SLC9A9: variants seen among roughly 807,000 people sequenced by gnomAD.
SLC9A9 encodes the protein solute carrier family 9 member A9.
In SLC9A9, 62 loss-of-function variants were observed where a neutral mutation model predicts 77.8. The observed-to-expected ratio is 0.80, with a 90% CI of 0.65 to 0.98. The LOEUF is 0.98. SLC9A9 is among the 50% of genes least tolerant of loss of function. The probability of loss-of-function intolerance (pLI) is 0.00; values close to 1 mark genes in which losing one functional copy is unlikely to be tolerated. For missense variants in SLC9A9, 775 were observed against 774.9 expected (o/e 1.00, Z 0.00); for synonymous variants, 320 against 283.5 (o/e 1.13, Z -1.29).
chr3:143,447,245 C>T (rs977239391), intron 12 of SLC9A9, among the ~76,000 whole-genome samples: 4 of 152,244 alleles, frequency 2.6e-5, no homozygotes, highest in African/African-American at 7.2e-5. Context: ...CCTTGGTGCC[C>T]TACTGGGTTA....
chr3:143,374,379 C>T (rs551290165), intron 13 of SLC9A9, among the ~76,000 whole-genome samples: 56 of 135,050 alleles, frequency 4.1e-4, no homozygotes, highest in African/African-American at 1.6e-3. Flanking sequence ...GAGCCAAGAT[C>T]GCACCACTGT....
At chr3:143,753,412 A>G (rs901947350) in intron 4 of SLC9A9, among the ~76,000 whole-genome samples, 1 of 152,236 alleles carries the variant, frequency 6.6e-6, no homozygotes, top group African/African-American at 2.4e-5. Flanking sequence ...CAAGGCATAC[A>G]GAGCTCCAGT....
rs1933319129 is a variant in SLC9A9 at position 143,687,765 on chromosome 3, A to AT, written c.649+5426dup. Among the ~76,000 whole-genome samples, 12 of 152,242 alleles carry AT rather than the reference A, an allele frequency of 7.9e-5. 1 individual carries two copies. In the South Asian group the frequency reaches 2.5e-3, roughly 32 times the overall value. ...TTAAAAAAAAAAGAAGTTGGAAGCA[A>AT]TGAGAAATGCTATCTTCTACTTCCA... On this transcript the variant is annotated intron_variant, in intron 5 of 15. Transcript: ENST00000316549.
intron 6 of SLC9A9, among the ~76,000 whole-genome samples, chr3:143,586,641 A>C (rs1292561593): frequency 2.0e-5 from 3 of 152,228 alleles, no homozygotes; most frequent in African/African-American, 7.2e-5. Context: ...TTGCTTAATT[A>C]TGAATAAGGA....
intron 14 of SLC9A9, among the ~76,000 whole-genome samples, chr3:143,302,217 GGA>G (rs1178775706): frequency 1.3e-5 from 2 of 152,200 alleles, no homozygotes; most frequent in African/African-American, 4.8e-5. Flanking sequence ...GGGGGATGCT[GGA>G]GGCATCAGCC....
At chr3:143,577,707 C>T (rs1242775259) in intron 7 of SLC9A9, among the ~76,000 whole-genome samples, 4 of 152,186 alleles carry the variant, frequency 2.6e-5, no homozygotes, top group Non-Finnish European at 5.9e-5. Flanking sequence ...CAGTGAATGT[C>T]TGGGCAAGAC....
intron 12 of SLC9A9, among the ~76,000 whole-genome samples, chr3:143,462,808 G>T (rs73146708): frequency 0.028 from 4,311 of 152,248 alleles, 91 homozygotes; most frequent in Non-Finnish European, 0.044. Flanking sequence ...AGGGTAGATT[G>T]CAGGCATTGA....
intron 12 of SLC9A9, among the ~76,000 whole-genome samples, chr3:143,393,045 A>T (rs1026598519): frequency 6.6e-6 from 1 of 152,194 alleles, no homozygotes; most frequent in Middle Eastern, 3.2e-3. Context: ...ATGAGACAGA[A>T]AGTTAACAAG....
intron 11 of SLC9A9, among the ~76,000 whole-genome samples, chr3:143,483,983 A>T (rs2035614685): frequency 6.6e-6 from 1 of 152,160 alleles, no homozygotes; most frequent in South Asian, 2.1e-4. Context: ...ATGAATGACT[A>T]TCTGGATGAC....
At chr3:143,844,294 A>G (rs1036375787) in intron 1 of SLC9A9, among the ~76,000 whole-genome samples, 1 of 152,124 alleles carries the variant, frequency 6.6e-6, no homozygotes, top group African/African-American at 2.4e-5. Context: ...TTGTTTTCTA[A>G]GCCCCTGTTC....
intron 4 of SLC9A9, among the ~76,000 whole-genome samples, chr3:143,771,966 T>C (rs2007535441): frequency 6.6e-6 from 1 of 151,492 alleles, no homozygotes; most frequent in African/African-American, 2.4e-5. Flanking sequence ...GGTCAGAGGG[T>C]CTGCTGAGCT....
intron 6 of SLC9A9, among the ~76,000 whole-genome samples, chr3:143,629,012 T>G (rs772462573): frequency 1.3e-5 from 2 of 152,206 alleles, no homozygotes; most frequent in Admixed American, 6.5e-5. Context: ...AATTTAACTA[T>G]TTAGTCTTTT....
intron 12 of SLC9A9, among the ~76,000 whole-genome samples, chr3:143,452,113 T>C (rs1306452989): frequency 2.0e-5 from 3 of 152,008 alleles, no homozygotes; most frequent in Non-Finnish European, 2.9e-5. Context: ...AAACAGTGGG[T>C]AAAAGATTGT....
At chr3:143,638,149 A>C (rs2038557578) in intron 6 of SLC9A9, among the ~76,000 whole-genome samples, 1 of 152,168 alleles carries the variant, frequency 6.6e-6, no homozygotes, top group Non-Finnish European at 1.5e-5. Flanking sequence ...TGAGAATGGG[A>C]ATGGGGGGTA....
intron 12 of SLC9A9, among the ~76,000 whole-genome samples, chr3:143,407,994 G>A (rs922313062): frequency 4.6e-5 from 7 of 152,282 alleles, no homozygotes; most frequent in Admixed American, 2.0e-4. Context: ...AAGTTCCTGC[G>A]GAGGGCTTTT....
intron 14 of SLC9A9, among the ~76,000 whole-genome samples, chr3:143,362,491 T>C (rs1436215937): frequency 6.6e-6 from 1 of 152,184 alleles, no homozygotes; most frequent in African/African-American, 2.4e-5. Flanking sequence ...TTTGCTTTCC[T>C]TTCCTTCCTG....
chr3:143,476,462 A>C (rs2035478933), intron 11 of SLC9A9, among the ~76,000 whole-genome samples: 1 of 152,252 alleles, frequency 6.6e-6, no homozygotes, highest in Admixed American at 6.5e-5. Context: ...TGTAAATAGG[A>C]TTAGCTCTGT....
rs574521757 is a variant in SLC9A9 at position 143,848,435 on chromosome 3, T to A, written c.-113A>T. On this transcript the variant is annotated 5_prime_UTR_variant, in exon 1 of 16. Coordinates refer to ENST00000316549, the MANE Select transcript of SLC9A9 (RefSeq NM_173653.4). ...AATTTCAGAAGAAACACTGCCACTT[T>A]AGTTGCTACTTCACAAGCATTCTGC... The A allele has an allele frequency of 1.6e-5, 21 of 1,352,012 alleles. No homozygotes were observed. In the African/African-American group the frequency reaches 2.6e-4, roughly 17 times the overall value. 83.8% of individuals were successfully genotyped at this position (1,352,012 alleles called of 1,614,324 possible).
intron 14 of SLC9A9, among the ~76,000 whole-genome samples, chr3:143,295,782 C>G (rs2030238829): frequency 1.3e-5 from 2 of 152,058 alleles, no homozygotes. Flanking sequence ...GCTTTCAGAC[C>G]ATTTCCAATA....
Sources: gnomAD v4.1 joint callset for allele counts (sites outside exome capture counted in the v4.1 genomes callset) on GRCh38, gnomAD v4.1.1 for gene constraint, MANE v1.5 for transcripts, NCBI Gene and HGNC (gene_info 2026-07-23, HGNC 2026-07-21) for gene names.